Variants in CNTLN observed in about 807,000 individuals in gnomAD.
The protein encoded by CNTLN is centlein.
A neutral mutation model predicts 180.0 loss-of-function variants in CNTLN; 212 were observed. That is an observed-to-expected ratio of 1.18 (90% confidence interval 1.05 to 1.32). CNTLN has a LOEUF of 1.32. CNTLN is among the 40% of genes most tolerant of loss of function. CNTLN has a pLI of 0.00. For missense variants in CNTLN, 2,095 were observed against 1,610.9 expected, an observed-to-expected ratio of 1.30 and a Z score of -5.14; for synonymous variants, 722 against 563.1, an observed-to-expected ratio of 1.28 and a Z score of -3.99.
At chr9:17,517,074 C>G in the CNTLN span, among the ~76,000 whole-genome samples, 1 of 152,176 alleles carries the variant, frequency 6.6e-6, no homozygotes, top group South Asian at 2.1e-4. Context: ...TGCTGAAGTC[C>G]TAGCTCTCCT....
At chr9:17,175,547 C>G (rs567643581) in intron 2 of CNTLN, among the ~76,000 whole-genome samples, 3 of 152,120 alleles carry the variant, frequency 2.0e-5, no homozygotes, top group African/African-American at 7.2e-5. Flanking sequence ...ATTACTATAG[C>G]TATATAATGC....
chr9:17,419,351 A>G (rs984175921), intron 18 of CNTLN, among the ~76,000 whole-genome samples: 7 of 152,270 alleles, frequency 4.6e-5, no homozygotes, highest in African/African-American at 1.7e-4. Context: ...GCCATCAACT[A>G]TTTTCAAGAA....
chr9:17,238,863 A>G lies in CNTLN; in HGVS notation c.849+2275A>G, dbSNP rs1825317228. Among the ~76,000 whole-genome samples the G allele has an allele frequency of 2.0e-5, 3 of 152,250 alleles. No homozygotes were observed. In the South Asian group the frequency reaches 6.2e-4, roughly 32 times the overall value. On this transcript the variant is annotated intron_variant, in intron 5 of 25. Transcript: ENST00000380647. ...AGTGAGATTATTGGGTCATATGGTA[A>G]CTGTTTTTAAGCTTTTGAGGAACTG...
rs77781879 is a variant in CNTLN at position 17,451,146 on chromosome 9, C to T, written c.3115-6378C>T. Among the ~76,000 whole-genome samples the T allele has an allele frequency of 2.1e-3, 320 of 152,100 alleles. 10 individuals carry two copies. In the East Asian group the frequency reaches 0.046, roughly 22 times the overall value. ...AAGTATAATATTCTCAATAAAAGAA[C>T]GTTGATTCTATTCACAGGAGGGAGA... On this transcript the variant is annotated intron_variant, in intron 18 of 25. Transcript: ENST00000380647.
intron 2 of CNTLN, among the ~76,000 whole-genome samples, chr9:17,169,474 T>C (rs1420737019): frequency 6.6e-6 from 1 of 152,194 alleles, no homozygotes; most frequent in Admixed American, 6.5e-5. Flanking sequence ...ATAAAATCTT[T>C]GACAAGACCG....
intron 18 of CNTLN, among the ~76,000 whole-genome samples, chr9:17,434,596 T>C (rs1829647049): frequency 6.6e-6 from 1 of 152,156 alleles, no homozygotes; most frequent in Non-Finnish European, 1.5e-5. Flanking sequence ...TCTGTGTATA[T>C]TTCCAAATTT....
intron 18 of CNTLN, among the ~76,000 whole-genome samples, chr9:17,444,913 ATATAG>A (rs769863743): frequency 1.4e-4 from 22 of 152,326 alleles, no homozygotes; most frequent in Middle Eastern, 3.4e-3. Context: ...ACCTTGAATA[ATATAG>A]TATAGGTCAA....
chr9:17,414,460 ATTTT>A (rs35321860), intron 16 of CNTLN, among the ~76,000 whole-genome samples: 4 of 150,068 alleles, frequency 2.7e-5, no homozygotes, highest in African/African-American at 9.8e-5. Context: ...TGTAGTTTGG[ATTTT>A]TTTTTTAACA....
chr9:17,176,171 G>A (rs1820705966), intron 2 of CNTLN, among the ~76,000 whole-genome samples: 1 of 151,844 alleles, frequency 6.6e-6, no homozygotes, highest in Admixed American at 6.6e-5. Context: ...GGCCATCATT[G>A]CCCTGCTCCT....
chr9:17,233,118 C>G (rs1186991793), intron 3 of CNTLN, among the ~76,000 whole-genome samples: 1 of 152,040 alleles, frequency 6.6e-6, no homozygotes, highest in African/African-American at 2.4e-5. Context: ...TAGTCTTTGA[C>G]TTAGCAATTT....
chr9:17,515,499 CTAA>C, the CNTLN span, among the ~76,000 whole-genome samples: 1 of 152,272 alleles, frequency 6.6e-6, no homozygotes, highest in East Asian at 1.9e-4. Flanking sequence ...ACTTGATGGT[CTAA>C]TAGGTATCCC....
At chr9:17,217,858 G>A (rs1823866182) in intron 2 of CNTLN, among the ~76,000 whole-genome samples, 1 of 152,076 alleles carries the variant, frequency 6.6e-6, no homozygotes, top group African/African-American at 2.4e-5. Flanking sequence ...AACAGAAAAA[G>A]GTTTTGTTTT....
chr9:17,443,246 A>G (rs1311661424), intron 18 of CNTLN, among the ~76,000 whole-genome samples: 2 of 152,242 alleles, frequency 1.3e-5, no homozygotes, highest in Admixed American at 6.5e-5. Context: ...CCCATGCATT[A>G]TGCTTGTCTC....
In CNTLN at chr9:17,135,438, C is replaced by G. The variant is rs757362378; in HGVS notation, c.360+13C>G. 1 of 1,583,442 alleles carries G rather than the reference C, an allele frequency of 6.3e-7. No individual in the cohort carries two copies. Among genetic ancestry groups the G allele is most frequent in the Non-Finnish European group, 8.6e-7 (1 of 1,166,884 alleles). ...GGCCCTGTGTCAGGTATCGAGGAGT[C>G]TCGCAGTCCCCCTTTCCCCACCACA... On this transcript the variant is annotated intron_variant, in intron 1 of 25. Transcript: ENST00000380647.
At chr9:17,485,397 A>G (rs1274778914) in intron 24 of CNTLN, among the ~76,000 whole-genome samples, 1 of 152,174 alleles carries the variant, frequency 6.6e-6, no homozygotes, top group East Asian at 1.9e-4. Flanking sequence ...GGAATCCTAC[A>G]GGTATTATTT....
At chr9:17,441,506 T>A (rs1220929405) in intron 18 of CNTLN, among the ~76,000 whole-genome samples, 1 of 152,034 alleles carries the variant, frequency 6.6e-6, no homozygotes, top group Non-Finnish European at 1.5e-5. Flanking sequence ...AAACAATATA[T>A]TTTATGTAAG....
chr9:17,414,644 A>G (rs188229375), intron 16 of CNTLN, among the ~76,000 whole-genome samples: 1 of 152,166 alleles, frequency 6.6e-6, no homozygotes, highest in Non-Finnish European at 1.5e-5. Context: ...TGAAAGGAAA[A>G]CCTTATTTTA....
chr9:17,179,379 C>T (rs1304630161), intron 2 of CNTLN, among the ~76,000 whole-genome samples: 4 of 151,776 alleles, frequency 2.6e-5, no homozygotes, highest in Admixed American at 6.6e-5. Flanking sequence ...GATATGCTGC[C>T]TTTTTATTTT....
At chr9:17,188,045 A>C (rs1821546721) in intron 2 of CNTLN, among the ~76,000 whole-genome samples, 1 of 150,318 alleles carries the variant, frequency 6.7e-6, no homozygotes, top group Non-Finnish European at 1.5e-5. Flanking sequence ...CAGCATATTT[A>C]TGTATATATA....
Sources: allele counts gnomAD v4.1 joint callset (sites outside exome capture counted in the v4.1 genomes callset), GRCh38; gene constraint gnomAD v4.1.1; transcripts MANE v1.5; gene names NCBI Gene and HGNC (gene_info 2026-07-23, HGNC 2026-07-21).